PUS1: variants seen among roughly 807,000 people sequenced by gnomAD.
PUS1 encodes the protein pseudouridylate synthase 1 homolog.
A neutral mutation model predicts 38.5 loss-of-function variants in PUS1; 25 were observed. That is an observed-to-expected ratio of 0.65 (90% CI 0.47 to 0.91). The LOEUF is 0.91. Among genes scored for constraint, PUS1 ranks in the 40% least tolerant of loss-of-function variants. PUS1 has a pLI of 0.00. For missense variants in PUS1, 597 were observed against 612.3 expected, an observed-to-expected ratio of 0.97 and a Z score of 0.26; for synonymous variants, 282 against 260.4, an observed-to-expected ratio of 1.08 and a Z score of -0.80.
chr12:131,933,078 G>A (rs1007786940), intron 3 of PUS1, among the ~76,000 whole-genome samples: 6 of 151,952 alleles, frequency 3.9e-5, no homozygotes, highest in Non-Finnish European at 5.9e-5. Flanking sequence ...CCATGATCCA[G>A]TCACCTCCCA....
At chr12:131,940,368 T>C (rs1163761764) in intron 4 of PUS1, among the ~76,000 whole-genome samples, 1 of 152,124 alleles carries the variant, frequency 6.6e-6, no homozygotes, top group Non-Finnish European at 1.5e-5. Flanking sequence ...CGTGCTGTTG[T>C]GTATGTCAGC....
Position 131,929,899 on chromosome 12 carries a change from C to T in PUS1, c.75-8C>T, listed in dbSNP as rs1278004675. On this transcript the variant is annotated splice_polypyrimidine_tract_variant and splice_region_variant and intron_variant, in intron 1 of 5. Transcript: ENST00000376649. ...GCGGGCCCCCGCTCACGCCGCCCTTCTCCGCAGCTCGCCGCGCATGGCCGG... is the reference window on the plus strand; with the variant it reads ...GCGGGCCCCCGCTCACGCCGCCCTTTTCCGCAGCTCGCCGCGCATGGCCGG... 4 of 1,448,632 alleles carry T rather than the reference C, an allele frequency of 2.8e-6. No individual in the cohort carries two copies. Among genetic ancestry groups the T allele is most frequent in the South Asian group, 2.6e-5 (2 of 76,406 alleles). 89.7% of individuals were successfully genotyped at this position (1,448,632 alleles called of 1,614,324 possible). A position where few individuals can be genotyped will look rare whatever the true frequency, so the allele number is the denominator to read the frequency against.
chr12:131,942,813 C>T (rs1032119804), intron 5 of PUS1, among the ~76,000 whole-genome samples: 2 of 152,210 alleles, frequency 1.3e-5, no homozygotes, highest in African/African-American at 4.8e-5. Context: ...AAAGAGAGTC[C>T]TTCCTGCATA....
Position 131,939,158 on chromosome 12 carries a change from C to CTGCTTTGTTTACAGGG in PUS1, c.442-12_445dup. ...AGGGACCCACCTTCCGTCACCCGTTCTGCTTTGTTTACAGGGTGTGTCCGC... is the reference window on the plus strand; with the variant it reads ...AGGGACCCACCTTCCGTCACCCGTTCTGCTTTGTTTACAGGGTGCTTTGTTTACAGGGTGTGTCCGC... On this transcript the variant is annotated splice_polypyrimidine_tract_variant and intron_variant, in intron 3 of 5. Coordinates refer to ENST00000376649, the MANE Select transcript of PUS1 (RefSeq NM_025215.6). 6.5e-7 allele frequency: 1 copy of CTGCTTTGTTTACAGGG among 1,540,228 alleles called. No individual in the cohort carries two copies. Among genetic ancestry groups the CTGCTTTGTTTACAGGG allele is most frequent in the Middle Eastern group, 2.1e-4 (1 of 4,846 alleles).
intron 3 of PUS1, among the ~76,000 whole-genome samples, chr12:131,938,016 T>C (rs1445191293): frequency 1.3e-5 from 2 of 152,188 alleles, no homozygotes; most frequent in Non-Finnish European, 2.9e-5. Context: ...GAAACTCTCT[T>C]TTCTGTTTTC....
At position 131,929,939 on chromosome 12, in the gene PUS1, C is replaced by G; in HGVS notation, c.107C>G (p.Pro36Arg). Residue 36 changes from proline (P) to arginine (R), a missense_variant, in exon 2 of 6, where the codon CCG becomes CGG. By Grantham distance (103) the Pro-to-Arg change is moderately radical. Coordinates refer to ENST00000376649, the MANE Select transcript of PUS1 (RefSeq NM_025215.6). Reference sequence around the variant, plus strand: ...CGCATGGCCGGGAACGCGGAGCCGCCGCCCGCCGGAGCCGCATGCCCCCAG... The same window carrying G: ...CGCATGGCCGGGAACGCGGAGCCGCGGCCCGCCGGAGCCGCATGCCCCCAG... ...SPRMAGNAEP[P>R]PAGAACPQDR... 6.7e-7 allele frequency: 1 copy of G among 1,487,900 alleles called. No individual in the cohort carries two copies. Among genetic ancestry groups the G allele is most frequent in the Admixed American group, 2.4e-5 (1 of 41,560 alleles). The allele number at this position is 1,487,900 out of a possible 1,614,324, so 92.2% of individuals were successfully genotyped here.
At chr12:131,929,863 C>CCCCGCTAAGTATTAAAGTTGTGA in intron 1 of PUS1, 44 bp from the exon 2 acceptor site, 1 of 1,471,110 alleles carries the variant, frequency 6.8e-7, no homozygotes, top group Non-Finnish European at 9.0e-7. Flanking sequence ...GTCCACCCCG[C>CCCCGCTAAGTATTAAAGTTGTGA]GCGGTGCCGA....
chr12:131,930,593 G>A (rs1362297717), intron 2 of PUS1, among the ~76,000 whole-genome samples: 1 of 152,182 alleles, frequency 6.6e-6, no homozygotes, highest in Non-Finnish European at 1.5e-5. Context: ...TTTCTGGAAG[G>A]TAGAGGGTCT....
intron 5 of PUS1, 127 bp from the exon 6 acceptor site, chr12:131,943,412 T>A: frequency 1.2e-6 from 1 of 812,204 alleles, no homozygotes; most frequent in Non-Finnish European, 2.2e-6. Context: ...AACACCAGAC[T>A]CTGCTCCTGA....
At chr12:131,942,701 C>T (rs768181872) in intron 5 of PUS1, among the ~76,000 whole-genome samples, 52 of 152,326 alleles carry the variant, frequency 3.4e-4, no homozygotes, top group Admixed American at 9.2e-4. Flanking sequence ...CCACTGCGTC[C>T]GGCCAGCCTG....
chr12:131,930,190 G>A (rs1443284258), intron 2 of PUS1, 55 bp downstream of exon 2: 1 of 1,247,904 alleles, frequency 8.0e-7, no homozygotes, highest in Non-Finnish European at 1.0e-6. Context: ...AGGTGCGGCC[G>A]CCGGGGAAGC....
At chr12:131,940,228 G>A (rs755038565) in intron 4 of PUS1, among the ~76,000 whole-genome samples, 8 of 150,858 alleles carry the variant, frequency 5.3e-5, no homozygotes, top group Non-Finnish European at 8.9e-5. Context: ...ATGGGGTTTC[G>A]CCATGTCGCC....
intron 3 of PUS1, among the ~76,000 whole-genome samples, chr12:131,933,914 A>G (rs1327710303): frequency 2.6e-5 from 4 of 152,210 alleles, no homozygotes; most frequent in Admixed American, 2.0e-4. Context: ...ACGCACTGCT[A>G]TTTATTGTAT....
intron 3 of PUS1, among the ~76,000 whole-genome samples, chr12:131,936,821 G>A (rs1265711286): frequency 1.3e-5 from 2 of 151,650 alleles, no homozygotes; most frequent in East Asian, 1.9e-4. Flanking sequence ...TACAGAAGAC[G>A]AAGGTGGCAG....
At chr12:131,940,912 T>G in intron 4 of PUS1, 1 of 238,112 alleles carries the variant, frequency 4.2e-6, no homozygotes. Context: ...TATACATACT[T>G]ATGTAGAATT....
At chr12:131,934,164 G>C (rs1281227978) in intron 3 of PUS1, among the ~76,000 whole-genome samples, 3 of 152,206 alleles carry the variant, frequency 2.0e-5, no homozygotes, top group Non-Finnish European at 4.4e-5. Context: ...CAGGTGTGCA[G>C]GTGGAGCATG....
Position 131,941,622 on chromosome 12 carries a change from A to T in PUS1, c.875A>T (p.His292Leu). The change falls in exon 5 of 6, where the codon CAT becomes CTT. Residue 292 changes from histidine (H) to leucine (L), a missense_variant. By Grantham distance (99) the His-to-Leu change is moderately conservative. Coordinates refer to ENST00000376649, the MANE Select transcript of PUS1 (RefSeq NM_025215.6). The surrounding 1 kb of genome is among the most constrained non-coding windows in gnomAD (Gnocchi z 4.4). ...IRVKGQSFMM[H>L]QIRKMVGLVV... is the part of the protein sequence containing the mutation. ...GTGAAGGGCCAGAGCTTCATGATGC[A>T]TCAGATCCGGAAGATGGTCGGCCTG... 6.2e-7 allele frequency: 1 copy of T among 1,614,226 alleles called. No homozygotes were observed. Among genetic ancestry groups the T allele is most frequent in the African/African-American group, 1.3e-5 (1 of 75,056 alleles).
In PUS1 at chr12:131,936,381, G is replaced by A. The variant is rs148995099; in HGVS notation, c.442-2792G>A. On this transcript the variant is annotated intron_variant, in intron 3 of 5. Transcript: ENST00000376649. ...AGTTCAAGACCAGCCTGGTCAATAT[G>A]GCGAAACCCCGTCTCTACTAAAAAT... Among the ~76,000 whole-genome samples the A allele has an allele frequency of 5.4e-3, 816 of 151,586 alleles. 10 individuals are homozygous for A. The highest frequency in any genetic ancestry group is 0.019 in the African/African-American group (784 of 41,268).
In PUS1 at chr12:131,929,462, G is replaced by A. The variant is rs983009807; in HGVS notation, c.-261G>A. ...ATCCGTCAGGGTCCCGGGGCGGTCT[G>A]GGGGCAGTAGAGACGGGGCTTGGGC... On this transcript the variant is annotated 5_prime_UTR_variant, in exon 1 of 6. Coordinates refer to ENST00000376649, the MANE Select transcript of PUS1 (RefSeq NM_025215.6). 6 of 427,250 alleles carry A rather than the reference G, an allele frequency of 1.4e-5. No homozygotes were observed. The highest frequency in any genetic ancestry group is 2.1e-5 in the Non-Finnish European group (5 of 242,240). The allele number at this position is 427,250 out of a possible 1,614,324, so 26.5% of individuals were successfully genotyped here.
Sources: allele counts gnomAD v4.1 joint callset (sites outside exome capture counted in the v4.1 genomes callset), GRCh38; gene constraint gnomAD v4.1.1; non-coding constraint Gnocchi (gnomAD v3.1); transcripts MANE v1.5; gene names NCBI Gene and HGNC (gene_info 2026-07-23, HGNC 2026-07-21).